Variants in USP34 observed in about 807,000 individuals in gnomAD.
The protein encoded by USP34 is ubiquitin carboxyl-terminal hydrolase 34.
In USP34, 70 loss-of-function variants were observed where a neutral mutation model predicts 460.3. The ratio of observed to expected loss-of-function variants is 0.15; its 90% CI spans 0.13 to 0.19. The LOEUF (loss-of-function observed/expected upper bound fraction) is 0.19, where lower values mean the gene tolerates loss of function less well. Among genes scored for constraint, USP34 ranks in the 10% least tolerant of loss-of-function variants. The pLI, the probability that USP34 is intolerant of heterozygous loss-of-function variation, is 1.00. For missense variants in USP34, 3,985 were observed against 4,236.2 expected, an observed-to-expected ratio of 0.94 and a Z score of 1.65; for synonymous variants, 1,647 against 1,405.3, an observed-to-expected ratio of 1.17 and a Z score of -3.85.
chr2:61,256,448 T>C lies in USP34; in HGVS notation c.6157A>G (p.Thr2053Ala). ...ESLDEVTIKDTLEGDNMYTCS... is the reference protein window; with the variant it reads ...ESLDEVTIKDALEGDNMYTCS... ...GTATACATGTTATCACCTTCCAAAG[T>C]GTCTTTTATAGTAACTTCATCAAGA... Residue 2053 changes from threonine (T) to alanine (A), a missense_variant, in exon 48 of 80, where the codon ACT (threonine) becomes GCT (alanine). By Grantham distance (58) the Thr-to-Ala change is moderately conservative. This residue lies in a region of USP34 where 145 missense variants were observed against 291.6 expected (regional missense o/e 0.50). Transcript: ENST00000398571. The C allele has an allele frequency of 6.2e-7, 1 of 1,610,568 alleles. No homozygotes were observed. Among genetic ancestry groups the C allele is most frequent in the Non-Finnish European group, 8.5e-7 (1 of 1,178,782 alleles).
At position 61,303,800 on chromosome 2, in the gene USP34, G is replaced by A. The variant is rs930277375; in HGVS notation, c.3818-2346C>T. On this transcript the variant is annotated intron_variant, in intron 27 of 79. Coordinates refer to ENST00000398571, the MANE Select transcript of USP34 (RefSeq NM_014709.4). Reference sequence around the variant, plus strand: ...TTTAGTAGAGATGGGGTTTCACCATGTTAGCCAGGATGGTGTTATCTCCTG... The same window carrying A: ...TTTAGTAGAGATGGGGTTTCACCATATTAGCCAGGATGGTGTTATCTCCTG... Among the ~76,000 whole-genome samples the A allele has an allele frequency of 2.6e-5, 4 of 151,972 alleles. No individual in the cohort carries two copies. The South Asian group carries it at 6.2e-4, about 24-fold the overall frequency.
chr2:61,321,066 C>T (rs1690904468), intron 21 of USP34, among the ~76,000 whole-genome samples: 1 of 151,354 alleles, frequency 6.6e-6, no homozygotes, highest in African/African-American at 2.4e-5. Context: ...GTCCTAGCTA[C>T]TTGGGAGGCT....
Position 61,420,798 on chromosome 2 carries a change from T to G in USP34, c.79A>C (p.Arg27=). ...AATATTTTGAGAGTATGTTCCTTTC[T>G]GAGCTGCAGTCCATCACCACCTTCT... ...DVEGGDGLQL[R]KEHTLKIFTY... is the part of the protein sequence containing the mutation. The change falls in exon 2 of 80, where the codon AGA becomes CGA. Residue 27 remains arginine (R), a synonymous_variant. Transcript: ENST00000398571. The G allele has an allele frequency of 6.2e-7, 1 of 1,611,498 alleles. No homozygotes were observed. Among genetic ancestry groups the G allele is most frequent in the Non-Finnish European group, 8.5e-7 (1 of 1,178,688 alleles).
In USP34 at chr2:61,319,251, A is replaced by G. The variant is rs758994317; in HGVS notation, c.3090T>C (p.His1030=). The G allele has an allele frequency of 1.3e-6, 2 of 1,594,534 alleles. No homozygotes were observed. The highest frequency in any genetic ancestry group is 1.7e-4 in the Middle Eastern group (1 of 6,008). Residue 1030 remains histidine, a synonymous_variant, in exon 22 of 80, where the codon CAT becomes CAC. Transcript: ENST00000398571. The part of the protein sequence containing the change: ...EDSECYDDAL[H]WFLNQVRSKD... Reference sequence around the variant, plus strand: ...TACTTCGAACTTGATTTAAAAACCAATGGAGTGCATCATCATAACATTCAG... The same window carrying G: ...TACTTCGAACTTGATTTAAAAACCAGTGGAGTGCATCATCATAACATTCAG...
chr2:61,434,777 G>T (rs1025365663), intron 1 of USP34, among the ~76,000 whole-genome samples: 1 of 151,080 alleles, frequency 6.6e-6, no homozygotes, highest in Non-Finnish European at 1.5e-5. Context: ...AAGGGGGGGG[G>T]TTCCAACAAT....
At chr2:61,284,303 C>T (rs1305869376) in intron 35 of USP34, among the ~76,000 whole-genome samples, 2 of 152,006 alleles carry the variant, frequency 1.3e-5, no homozygotes, top group African/African-American at 2.4e-5. Context: ...ATCATGAAGG[C>T]TAATCATGAA....
Position 61,280,227 on chromosome 2 carries a change from T to C in USP34, c.5256+17A>G, listed in dbSNP as rs1431470003. ...AGAAGAGAATACATAGAATAGTATA[T>C]AATTTTCTGAACATACCTGACTAGC... On this transcript the variant is annotated intron_variant, in intron 39 of 79. Transcript: ENST00000398571. 5 of 1,402,218 alleles carry C rather than the reference T, an allele frequency of 3.6e-6. No individual in the cohort carries two copies. Among genetic ancestry groups the C allele is most frequent in the South Asian group, 1.3e-5 (1 of 75,156 alleles). 86.9% of individuals were successfully genotyped at this position (1,402,218 alleles called of 1,614,324 possible).
intron 21 of USP34, among the ~76,000 whole-genome samples, chr2:61,319,993 G>A (rs1293190443): frequency 2.0e-5 from 3 of 152,060 alleles, no homozygotes; most frequent in Non-Finnish European, 2.9e-5. Flanking sequence ...TTGGCGAATC[G>A]GTGGTGGTAG....
chr2:61,423,591 C>T (rs1165944955), intron 1 of USP34, among the ~76,000 whole-genome samples: 1 of 152,070 alleles, frequency 6.6e-6, no homozygotes, highest in Non-Finnish European at 1.5e-5. Context: ...GGTTGGAAGA[C>T]ATTATATTGT....
At chr2:61,329,806 T>C (rs1691207124) in intron 20 of USP34, among the ~76,000 whole-genome samples, 1 of 152,192 alleles carries the variant, frequency 6.6e-6, no homozygotes, top group Admixed American at 6.5e-5. Flanking sequence ...TAAACACTTA[T>C]AAGGTAAATA....
chr2:61,257,476 G>T, intron 44 of USP34, 126 bp from the exon 45 acceptor site: 1 of 669,874 alleles, frequency 1.5e-6, no homozygotes. Flanking sequence ...TTAAATGGTT[G>T]CTTCTATTTC....
rs749811318 is a variant in USP34, at chr2:61,405,760, A to T, written c.500T>A (p.Ile167Asn). ...LLLCVAKIFQIQFPLYTAYKH... is the reference protein window; with the variant it reads ...LLLCVAKIFQNQFPLYTAYKH... ...GTAAGCAGTATATAAGGGAAACTGA[A>T]TTTGAAAAATTTTTGCCACACATAG... The change falls in exon 3 of 80, where the codon ATT (isoleucine) becomes AAT (asparagine). Residue 167 changes from isoleucine to asparagine, a missense_variant. Coordinates refer to ENST00000398571, the MANE Select transcript of USP34 (RefSeq NM_014709.4). The T allele has an allele frequency of 6.2e-7, 1 of 1,600,656 alleles. No individual in the cohort carries two copies. The highest frequency in any genetic ancestry group is 8.5e-7 in the Non-Finnish European group (1 of 1,175,842).
chr2:61,240,173 C>T (rs1238397412), intron 53 of USP34, among the ~76,000 whole-genome samples: 64 of 152,130 alleles, frequency 4.2e-4, no homozygotes, highest in Non-Finnish European at 3.1e-4. Flanking sequence ...GACTGAATTC[C>T]TAACACCAAA....
intron 53 of USP34, among the ~76,000 whole-genome samples, chr2:61,240,568 G>A (rs924074661): frequency 6.6e-6 from 1 of 151,276 alleles, no homozygotes; most frequent in Non-Finnish European, 1.5e-5. Context: ...ATGAGCCACC[G>A]CGCCCAGCCC....
rs898706944 is a variant in USP34, at chr2:61,188,421, T to G, written c.10322A>C (p.Asn3441Thr). Residue 3441 changes from asparagine (N) to threonine (T), a missense_variant, in exon 80 of 80, where the codon AAT becomes ACT. Asn to Thr is a moderately conservative substitution (Grantham distance 65, BLOSUM62 0). Around this residue, in one of 14 missense-constraint regions of USP34, gnomAD observed 506 missense variants for 439.0 expected, o/e 1.15. Transcript: ENST00000398571. The part of the protein sequence containing the change: ...RSQHAEEQSN[N>T]GRYDDCKEFK... Reference sequence around the variant, plus strand: ...TTCTTTACAATCGTCATATCTACCATTGTTGGACTGTTCTTCTGCATGCTG... The same window carrying G: ...TTCTTTACAATCGTCATATCTACCAGTGTTGGACTGTTCTTCTGCATGCTG... 6.2e-7 allele frequency: 1 copy of G among 1,614,078 alleles called. No homozygotes were observed. The highest frequency in any genetic ancestry group is 8.5e-7 in the Non-Finnish European group (1 of 1,180,036).
At chr2:61,428,490 C>T (rs1194732911) in intron 1 of USP34, among the ~76,000 whole-genome samples, 1 of 152,190 alleles carries the variant, frequency 6.6e-6, no homozygotes, top group African/African-American at 2.4e-5. Flanking sequence ...TGCTTGCTAA[C>T]TATGACATTA....
chr2:61,421,782 C>A (rs1300491499), intron 1 of USP34, among the ~76,000 whole-genome samples: 1 of 144,522 alleles, frequency 6.9e-6, no homozygotes, highest in Admixed American at 7.0e-5. Flanking sequence ...AAAACACACA[C>A]ACACACACAC....
intron 33 of USP34, among the ~76,000 whole-genome samples, chr2:61,291,977 T>C (rs990361042): frequency 3.3e-5 from 5 of 152,174 alleles, no homozygotes; most frequent in South Asian, 2.1e-4. Context: ...ATATATTGTA[T>C]GGTTCCATTT....
intron 13 of USP34, 79 bp downstream of exon 13, chr2:61,349,171 T>G (rs1398137431): frequency 2.0e-6 from 3 of 1,469,928 alleles, no homozygotes; most frequent in Non-Finnish European, 2.8e-6. Flanking sequence ...AATATATTAT[T>G]ATGTAAAATC....
Sources: gnomAD v4.1 joint callset for allele counts (sites outside exome capture counted in the v4.1 genomes callset) on GRCh38, gnomAD v4.1.1 for gene constraint, gnomAD v4.1.1 regional missense constraint, MANE v1.5 for transcripts, NCBI Gene and HGNC (gene_info 2026-07-23, HGNC 2026-07-21) for gene names.